GPR21: variants seen among roughly 807,000 people sequenced by gnomAD.
The protein encoded by GPR21 is probable G protein-coupled receptor 21.
GPR21 carries 9 observed loss-of-function variants against 21.5 expected under a neutral mutation model. That is an observed-to-expected ratio of 0.42 (90% CI 0.25 to 0.73). The LOEUF is 0.73. Among genes scored for constraint, GPR21 ranks in the 30% least tolerant of loss-of-function variants. The pLI is 0.27. For synonymous variants in GPR21, 169 were observed against 159.3 expected (o/e 1.06, Z -0.46); for missense variants, 416 against 428.9 (o/e 0.97, Z 0.27).
Position 123,035,196 on chromosome 9 carries a change from C to T in GPR21, c.630C>T (p.Thr210=), listed in dbSNP as rs751349991. 5 of 1,614,154 alleles carry T rather than the reference C, an allele frequency of 3.1e-6. No homozygotes were observed. Among genetic ancestry groups the T allele is most frequent in the Non-Finnish European group, 4.2e-6 (5 of 1,180,012 alleles). Residue 210 remains threonine (T), a synonymous_variant, in exon 2 of 2, where the codon ACC becomes ACT. Coordinates refer to ENST00000616002, the MANE Select transcript of GPR21 (RefSeq NM_005294.3). The part of the protein sequence containing the change: ...YAPAALIVCF[T]YFNIFRICQQ... ...CAGCAGCCCTTATTGTCTGCTTCAC[C>T]TATTTCAACATCTTCCGCATCTGCC... is the stretch of plus-strand genomic sequence containing the variant.
the GPR21 span, among the ~76,000 whole-genome samples, chr9:123,048,210 A>G: frequency 6.6e-6 from 1 of 152,092 alleles, no homozygotes; most frequent in African/African-American, 2.4e-5. Context: ...AAGTGTTAGG[A>G]TTACAGGCGT....
At chr9:123,047,207 T>G in the GPR21 span, among the ~76,000 whole-genome samples, 7 of 152,248 alleles carry the variant, frequency 4.6e-5, no homozygotes, top group African/African-American at 1.7e-4. Flanking sequence ...TCAGTACTAA[T>G]CAAAATGTTC....
At chr9:123,048,859 A>T in the GPR21 span, among the ~76,000 whole-genome samples, 4 of 152,338 alleles carry the variant, frequency 2.6e-5, no homozygotes, top group East Asian at 5.8e-4. Flanking sequence ...AACCAGGAAA[A>T]GGTTGACAGT....
downstream of GPR21, among the ~76,000 whole-genome samples, chr9:123,037,869 T>G (rs775328714): frequency 3.3e-5 from 5 of 152,134 alleles, no homozygotes; most frequent in Admixed American, 1.3e-4. Context: ...ATGCAACATT[T>G]GATGACATTT....
In GPR21 at chr9:123,035,206, A is replaced by G; in HGVS notation, c.640A>G (p.Ile214Val). 1 of 1,614,088 alleles carries G rather than the reference A, an allele frequency of 6.2e-7. No individual in the cohort carries two copies. The highest frequency in any genetic ancestry group is 8.5e-7 in the Non-Finnish European group (1 of 1,180,012). ...ALIVCFTYFN[I>V]FRICQQHTKD... ...TATTGTCTGCTTCACCTATTTCAAC[A>G]TCTTCCGCATCTGCCAACAGCACAC... is the stretch of plus-strand genomic sequence containing the variant. Residue 214 changes from isoleucine to valine, a missense_variant, in exon 2 of 2, where the codon ATC becomes GTC. Transcript: ENST00000616002.
rs2032537726 is a variant in GPR21, at chr9:123,034,954, G to A, written c.388G>A (p.Ala130Thr). 3.7e-6 allele frequency: 6 copies of A among 1,613,248 alleles called. No individual in the cohort carries two copies. Among genetic ancestry groups the A allele is most frequent in the Non-Finnish European group, 5.1e-6 (6 of 1,179,458 alleles). Residue 130 changes from alanine (A) to threonine (T), a missense_variant, in exon 2 of 2, where the codon GCC becomes ACC. Coordinates refer to ENST00000616002, the MANE Select transcript of GPR21 (RefSeq NM_005294.3). The part of the protein sequence containing the change: ...LACISIDRYI[A>T]ITKPLTYNTL... ...CTGTATCAGCATTGATAGATACATT[G>A]CCATTACTAAACCTTTAACCTATAA...
rs200730889 is a variant in GPR21 at position 123,035,579 on chromosome 9, T to C, written c.1013T>C (p.Val338Ala). The C allele has an allele frequency of 2.5e-6, 4 of 1,604,198 alleles. No individual in the cohort carries two copies. The Admixed American group carries it at 5.2e-5, about 21-fold the overall frequency. The change falls in exon 2 of 2, where the codon GTT becomes GCT. Residue 338 changes from valine to alanine, a missense_variant. Coordinates refer to ENST00000616002, the MANE Select transcript of GPR21 (RefSeq NM_005294.3). ...SQTTANDPYT[V>A]RSKGPLNGCH... ...ACTACAGCCAACGACCCTTACACAG[T>C]TAGAAGCAAAGGCCCTCTTAATGGA...
the GPR21 span, among the ~76,000 whole-genome samples, chr9:123,041,811 A>G: frequency 1.3e-5 from 2 of 152,236 alleles, no homozygotes; most frequent in Non-Finnish European, 2.9e-5. Context: ...TGGATTGCTA[A>G]GATGTCCCTA....
the GPR21 span, among the ~76,000 whole-genome samples, chr9:123,042,718 C>T: frequency 3.3e-5 from 5 of 152,048 alleles, no homozygotes; most frequent in African/African-American, 1.2e-4. Context: ...CAATAGCTGA[C>T]TAACAGAATC....
Position 123,034,537 on chromosome 9 carries a change from A to G in GPR21, c.-30A>G, listed in dbSNP as rs751170120. ...CTGTTGGCAGCAGCCAAGCGGCAGC[A>G]TGAAGTGACAGATCACTCCTGAGCT... On this transcript the variant is annotated 5_prime_UTR_variant, in exon 2 of 2. An upstream start codon of the reference 5' UTR is lost. Coordinates refer to ENST00000616002, the MANE Select transcript of GPR21 (RefSeq NM_005294.3). 2.8e-6 allele frequency: 4 copies of G among 1,430,664 alleles called. No homozygotes were observed. The highest frequency in any genetic ancestry group is 2.6e-5 in the South Asian group (2 of 77,454). 88.6% of individuals were successfully genotyped at this position (1,430,664 alleles called of 1,614,324 possible).
chr9:123,047,960 C>T, the GPR21 span, among the ~76,000 whole-genome samples: 12 of 73,720 alleles, frequency 1.6e-4, no homozygotes, highest in Middle Eastern at 0.017. Context: ...TTTTTTGAGA[C>T]GGAGTCTTGC....
At chr9:123,037,336 A>G (rs1410487858), downstream of GPR21, among the ~76,000 whole-genome samples, 1 of 152,220 alleles carries the variant, frequency 6.6e-6, no homozygotes, top group Non-Finnish European at 1.5e-5. Context: ...GCATTACATA[A>G]ACATTCAAAC....
rs148221592 is a variant in GPR21 at position 123,035,293 on chromosome 9, C to A, written c.727C>A (p.Gln243Lys). The change falls in exon 2 of 2, where the codon CAG (glutamine) becomes AAG (lysine). Residue 243 changes from glutamine to lysine, a missense_variant. Physicochemically the swap from Gln to Lys is moderately conservative, Grantham distance 53 (BLOSUM62 1). Coordinates refer to ENST00000616002, the MANE Select transcript of GPR21 (RefSeq NM_005294.3). ...SSQSGETGEV[Q>K]ACPDKRYAMV... ...CCAGAGTGGGGAGACTGGGGAAGTG[C>A]AGGCCTGTCCTGATAAGCGCTATGC... The A allele has an allele frequency of 6.2e-7, 1 of 1,614,148 alleles. No homozygotes were observed. Among genetic ancestry groups the A allele is most frequent in the Non-Finnish European group, 8.5e-7 (1 of 1,180,004 alleles).
downstream of GPR21, among the ~76,000 whole-genome samples, chr9:123,038,733 A>G (rs184797035): frequency 4.3e-4 from 65 of 151,560 alleles, no homozygotes; most frequent in African/African-American, 1.5e-3. Flanking sequence ...AGAAAAAAAT[A>G]TTAAGTATTT....
At chr9:123,047,930 T>TG in the GPR21 span, among the ~76,000 whole-genome samples, 1 of 71,424 alleles carries the variant, frequency 1.4e-5, no homozygotes, top group Non-Finnish European at 2.3e-5. Context: ...TTTTTTTTTT[T>TG]TTTTTTTTTT....
the GPR21 span, among the ~76,000 whole-genome samples, chr9:123,044,491 A>G: frequency 3.9e-5 from 6 of 152,152 alleles, no homozygotes; most frequent in Admixed American, 1.3e-4. Context: ...AGTCTGCTGT[A>G]TCACTACGCC....
downstream of GPR21, among the ~76,000 whole-genome samples, chr9:123,037,480 T>A (rs562000561): frequency 6.6e-6 from 1 of 152,320 alleles, no homozygotes; most frequent in African/African-American, 2.4e-5. Context: ...TTGGTTAAAT[T>A]GCCATTTCAA....
At chr9:123,047,919 G>GTTTTTTTTTTTTTTTTTTTTTT in the GPR21 span, among the ~76,000 whole-genome samples, 8 of 62,282 alleles carry the variant, frequency 1.3e-4, 1 homozygote, top group Non-Finnish European at 2.1e-4. Context: ...CAGCTGCTGG[G>GTTTTTTTTTTTTTTTTTTTTTT]TTTTTTTTTT....
intron 1 of GPR21, 65 bp from the exon 2 acceptor site, chr9:123,034,106 G>A (rs2032468182): frequency 6.0e-6 from 1 of 167,766 alleles, no homozygotes; most frequent in African/African-American, 2.4e-5. Context: ...GCCTGAGCTA[G>A]CCAGGTTCTT....
Sources: allele counts gnomAD v4.1 joint callset (sites outside exome capture counted in the v4.1 genomes callset), GRCh38; gene constraint gnomAD v4.1.1; transcripts MANE v1.5; gene names NCBI Gene and HGNC (gene_info 2026-07-23, HGNC 2026-07-21).